The following IL16 variants were observed in gnomAD, a reference collection of about 807,000 sequenced individuals.
IL16 encodes interleukin 16.
Under a neutral mutation model 110.1 loss-of-function variants are expected in IL16, and 67 were observed. That is an observed-to-expected ratio of 0.61 (90% CI 0.50 to 0.75). The LOEUF (loss-of-function observed/expected upper bound fraction) is 0.75, where lower values mean the gene tolerates loss of function less well. Among genes scored for constraint, IL16 ranks in the 30% least tolerant of loss-of-function variants. The pLI, the probability that IL16 is intolerant of heterozygous loss-of-function variation, is 0.00. For missense variants in IL16, 1,545 were observed against 1,655.0 expected, an observed-to-expected ratio of 0.93 and a Z score of 1.15; for synonymous variants, 689 against 662.9, an observed-to-expected ratio of 1.04 and a Z score of -0.61.
rs75838746 is a variant in IL16, at chr15:81,285,848, A to G, written c.1332+18A>G. ...ACCCACAGGTAACACCCACTGGGTTATCCTCTTCTTCTCAGGCTCACTCGT... is the reference window on the plus strand; with the variant it reads ...ACCCACAGGTAACACCCACTGGGTTGTCCTCTTCTTCTCAGGCTCACTCGT... On this transcript the variant is annotated intron_variant, in intron 10 of 18. Transcript: ENST00000683961. 0.082 allele frequency: 131,773 copies of G among 1,612,744 alleles called. 5,855 individuals carry two copies. Among genetic ancestry groups the G allele is most frequent in the East Asian group, 0.1 (4,599 of 44,862 alleles).
At chr15:81,304,494 GCTT>G (rs1900452255) in intron 16 of IL16, among the ~76,000 whole-genome samples, 1 of 152,194 alleles carries the variant, frequency 6.6e-6, no homozygotes, top group Admixed American at 6.5e-5. Context: ...ATGCACAAAA[GCTT>G]CTTTCTCCTT....
At chr15:81,199,192 G>A (rs1398733130) in intron 1 of IL16, among the ~76,000 whole-genome samples, 1 of 152,026 alleles carries the variant, frequency 6.6e-6, no homozygotes, top group Non-Finnish European at 1.5e-5. Flanking sequence ...TAGGCATGGG[G>A]CAAAATAAAC....
chr15:81,242,831 G>A (rs1213869825), intron 2 of IL16, among the ~76,000 whole-genome samples: 1 of 151,800 alleles, frequency 6.6e-6, no homozygotes, highest in African/African-American at 2.4e-5. Flanking sequence ...TATTAATTAT[G>A]GTTTTAGCCA....
chr15:81,185,098 G>T (rs767482015), intron 1 of IL16, among the ~76,000 whole-genome samples: 1 of 152,116 alleles, frequency 6.6e-6, no homozygotes, highest in Non-Finnish European at 1.5e-5. Context: ...AGGGTGGGGC[G>T]TAGGGTTTGA....
chr15:81,288,110 A>C (rs67951045), intron 10 of IL16, among the ~76,000 whole-genome samples: 23,807 of 152,194 alleles, frequency 0.16, 2,195 homozygotes, highest in Middle Eastern at 0.24. Flanking sequence ...AGCTGCTCAG[A>C]TAAGGGAGCC....
intron 1 of IL16, among the ~76,000 whole-genome samples, chr15:81,220,886 A>G (rs1447003577): frequency 1.3e-5 from 2 of 152,146 alleles, no homozygotes; most frequent in African/African-American, 4.8e-5. Flanking sequence ...ATATTCTGCA[A>G]GTTTTTTGAA....
At chr15:81,217,081 T>C (rs899941014) in intron 1 of IL16, among the ~76,000 whole-genome samples, 4 of 151,978 alleles carry the variant, frequency 2.6e-5, no homozygotes, top group Non-Finnish European at 4.4e-5. Context: ...CAGAAATAAA[T>C]ATGTTGGAAA....
intron 2 of IL16, among the ~76,000 whole-genome samples, chr15:81,259,300 CA>C (rs1474827494): frequency 6.6e-6 from 1 of 152,204 alleles, no homozygotes; most frequent in African/African-American, 2.4e-5. Flanking sequence ...CTCTCTAAAA[CA>C]TACCTTCCAG....
At chr15:81,187,543 T>C (rs189685868) in intron 1 of IL16, among the ~76,000 whole-genome samples, 4 of 140,390 alleles carry the variant, frequency 2.8e-5, no homozygotes, top group African/African-American at 9.9e-5. Flanking sequence ...TGCAGTGAAC[T>C]ATGATTGTAT....
intron 2 of IL16, among the ~76,000 whole-genome samples, chr15:81,230,153 CT>C (rs1221324190): frequency 6.6e-6 from 1 of 152,170 alleles, no homozygotes; most frequent in Admixed American, 6.5e-5. Context: ...TTCTAGACCC[CT>C]GGAGATGAAT....
At chr15:81,221,753 C>A (rs1412343754) in intron 1 of IL16, among the ~76,000 whole-genome samples, 1 of 152,162 alleles carries the variant, frequency 6.6e-6, no homozygotes, top group Non-Finnish European at 1.5e-5. Flanking sequence ...AGTGTTAATG[C>A]CTTGCCCCCT....
intron 1 of IL16, among the ~76,000 whole-genome samples, chr15:81,184,452 G>A (rs903196383): frequency 2.6e-5 from 4 of 152,210 alleles, no homozygotes; most frequent in African/African-American, 7.2e-5. Flanking sequence ...GGATCTTATG[G>A]GGTTTTGTAT....
intron 13 of IL16, among the ~76,000 whole-genome samples, chr15:81,298,959 A>T (rs1900125788): frequency 6.6e-6 from 1 of 152,208 alleles, no homozygotes; most frequent in African/African-American, 2.4e-5. Flanking sequence ...ACGGCAGGAG[A>T]ACTGCTTTGG....
At position 81,292,868 on chromosome 15, in the gene IL16, C is replaced by T. The variant is rs765708334; in HGVS notation, c.1733C>T (p.Pro578Leu). Residue 578 changes from proline (P) to leucine (L), a missense_variant, in exon 12 of 19, where the codon CCG (proline) becomes CTG (leucine). Physicochemically the swap from Pro to Leu is moderately conservative, Grantham distance 98 (BLOSUM62 -3). Around this residue, in one of 3 missense-constraint regions of IL16, gnomAD observed 1,185 missense variants for 1,238.8 expected, o/e 0.96. Transcript: ENST00000683961. Reference protein sequence around the residue: ...PLPESRDSHPPLRLKKSFEIL... With the variant: ...PLPESRDSHPLLRLKKSFEIL... ...CCAGAGAGCCGGGACAGCCACCCGC[C>T]GCTGAGACTGAAGAAATCCTTTGAG... 1.1e-5 allele frequency: 17 copies of T among 1,614,020 alleles called. No individual in the cohort carries two copies. Among genetic ancestry groups the T allele is most frequent in the Non-Finnish European group, 1.3e-5 (15 of 1,179,986 alleles).
At chr15:81,260,837 A>C (rs1230728919) in intron 3 of IL16, among the ~76,000 whole-genome samples, 1 of 152,054 alleles carries the variant, frequency 6.6e-6, no homozygotes, top group Non-Finnish European at 1.5e-5. Context: ...GGAAATAAAA[A>C]TATTTTTAAA....
upstream of IL16, among the ~76,000 whole-genome samples, chr15:81,196,186 G>A (rs927997264): frequency 1.3e-5 from 2 of 152,300 alleles, no homozygotes; most frequent in Middle Eastern, 3.4e-3. Flanking sequence ...GGGAAAGGGT[G>A]GCACAGACAA....
In IL16 at chr15:81,313,451, T is replaced by TG. The variant is rs753427861; in HGVS notation, c.*4657dup. ...GTGTTATGATCTGCAGCAGAGGTGCTGGGGACGAGCGCCAGGCAGGTGAGC... is the reference window on the plus strand; with the variant it reads ...GTGTTATGATCTGCAGCAGAGGTGCTGGGGGACGAGCGCCAGGCAGGTGAGC... On this transcript the variant is annotated 3_prime_UTR_variant, in exon 19 of 19. Coordinates refer to ENST00000683961, the MANE Select transcript of IL16 (RefSeq NM_172217.5). 9 of 1,449,390 alleles carry TG rather than the reference T, an allele frequency of 6.2e-6. No homozygotes were observed. The highest frequency in any genetic ancestry group is 1.5e-5 in the African/African-American group (1 of 68,740). The allele number at this position is 1,449,390 out of a possible 1,614,324, so 89.8% of individuals were successfully genotyped here. A position where few individuals can be genotyped will look rare whatever the true frequency, so the allele number is the denominator to read the frequency against.
chr15:81,253,173 A>T (rs1252120909), intron 2 of IL16, among the ~76,000 whole-genome samples: 1 of 152,176 alleles, frequency 6.6e-6, no homozygotes. Context: ...ATCCTAGTGC[A>T]TGCGAGTGGT....
intron 18 of IL16, 194 bp downstream of exon 18, chr15:81,306,739 C>A (rs1303315474): frequency 1.5e-6 from 1 of 684,664 alleles, no homozygotes; most frequent in East Asian, 2.9e-5. Flanking sequence ...TCCCCTCAAT[C>A]CCCCCTCTGT....
Sources: allele counts gnomAD v4.1 joint callset (sites outside exome capture counted in the v4.1 genomes callset), GRCh38; gene constraint gnomAD v4.1.1; regional missense constraint gnomAD v4.1.1; transcripts MANE v1.5; gene names NCBI Gene and HGNC (gene_info 2026-07-23, HGNC 2026-07-21).